Variants in JAZF1 observed in about 807,000 individuals in gnomAD.
JAZF1 encodes the protein juxtaposed with another zinc finger protein 1.
In JAZF1, 8 loss-of-function variants were observed where a neutral mutation model predicts 26.4. The observed-to-expected ratio is 0.30, with a 90% CI of 0.18 to 0.55. JAZF1 has a LOEUF of 0.55. Ranked by LOEUF, JAZF1 falls within the 20% of genes least tolerant of loss-of-function variation. JAZF1 has a pLI of 0.94. For synonymous variants in JAZF1, 126 were observed against 122.3 expected, an observed-to-expected ratio of 1.03 and a Z score of -0.20; for missense variants, 199 against 322.0, an observed-to-expected ratio of 0.62 and a Z score of 2.92.
chr7:28,002,849 C>T (rs1362106520), intron 1 of JAZF1, among the ~76,000 whole-genome samples: 1 of 151,934 alleles, frequency 6.6e-6, no homozygotes, highest in Non-Finnish European at 1.5e-5. Flanking sequence ...AAGTCTTGGC[C>T]AACAGGATAA....
At chr7:27,870,144 C>G (rs1783556543) in intron 3 of JAZF1, among the ~76,000 whole-genome samples, 1 of 138,194 alleles carries the variant, frequency 7.2e-6, no homozygotes, top group Non-Finnish European at 1.5e-5. Flanking sequence ...TCAGGCTGGT[C>G]TCGAACTCCT....
chr7:27,990,201 G>A (rs370644024), intron 2 of JAZF1, among the ~76,000 whole-genome samples: 9 of 152,090 alleles, frequency 5.9e-5, no homozygotes, highest in African/African-American at 9.7e-5. Context: ...ACCAAACACC[G>A]CATGTTCTCA....
At chr7:28,033,945 G>A (rs898449503) in intron 1 of JAZF1, among the ~76,000 whole-genome samples, 7 of 152,172 alleles carry the variant, frequency 4.6e-5, no homozygotes, top group Non-Finnish European at 8.8e-5. Context: ...GTTTCACCAC[G>A]TTGGCCAAGC....
intron 3 of JAZF1, among the ~76,000 whole-genome samples, chr7:27,893,860 G>A (rs918614837): frequency 2.0e-5 from 3 of 152,152 alleles, no homozygotes; most frequent in Non-Finnish European, 4.4e-5. Flanking sequence ...AGAAGGGCTG[G>A]GCACGCTCTG....
intron 2 of JAZF1, among the ~76,000 whole-genome samples, chr7:27,989,761 A>G (rs1785856474): frequency 1.3e-5 from 2 of 152,192 alleles, no homozygotes; most frequent in Admixed American, 1.3e-4. Context: ...TTAGAATGGC[A>G]ATCATCAAAA....
intron 1 of JAZF1, among the ~76,000 whole-genome samples, chr7:28,086,617 G>A (rs1583552708): frequency 6.6e-6 from 1 of 152,190 alleles, no homozygotes; most frequent in Non-Finnish European, 1.5e-5. Flanking sequence ...GCCCTGAGTA[G>A]TAAAATTGAT....
At chr7:28,094,698 A>G (rs1232214064) in intron 1 of JAZF1, among the ~76,000 whole-genome samples, 1 of 152,238 alleles carries the variant, frequency 6.6e-6, no homozygotes, top group Non-Finnish European at 1.5e-5. Context: ...TTCTCCTTCC[A>G]GGCAAGAACA....
chr7:27,830,728 A>T lies in JAZF1; in HGVS notation c.*2072T>A, dbSNP rs1782670125. 5.1e-6 allele frequency: 1 copy of T among 195,192 alleles called. No homozygotes were observed. Among genetic ancestry groups the T allele is most frequent in the Non-Finnish European group, 1.1e-5 (1 of 93,576 alleles). The allele number at this position is 195,192 out of a possible 1,614,324, so 12.1% of individuals were successfully genotyped here. ...ATGTGCTCTGTCCCCAACAAAACAT[A>T]TGAAAATATAATTTAAAGCACAGTT... On this transcript the variant is annotated 3_prime_UTR_variant, in exon 5 of 5. Coordinates refer to ENST00000283928, the MANE Select transcript of JAZF1 (RefSeq NM_175061.4).
intron 2 of JAZF1, among the ~76,000 whole-genome samples, chr7:27,941,500 CCT>C (rs915341104): frequency 6.6e-6 from 1 of 152,132 alleles, no homozygotes; most frequent in Non-Finnish European, 1.5e-5. Flanking sequence ...AAAATGCAAC[CCT>C]GAGTGCTAAT....
chr7:27,936,202 G>C (rs56059663), intron 2 of JAZF1, among the ~76,000 whole-genome samples: 16,037 of 152,254 alleles, frequency 0.11, 935 homozygotes, highest in African/African-American at 0.17. Flanking sequence ...GGAAAAGAGA[G>C]ATGACACAAA....
chr7:28,016,449 C>T (rs1461900349), intron 1 of JAZF1, among the ~76,000 whole-genome samples: 1 of 152,194 alleles, frequency 6.6e-6, no homozygotes, highest in Non-Finnish European at 1.5e-5. Flanking sequence ...TATTTTCACT[C>T]TGCTGTTTTA....
chr7:27,893,544 G>A (rs535877756), intron 3 of JAZF1, among the ~76,000 whole-genome samples: 1 of 152,262 alleles, frequency 6.6e-6, no homozygotes, highest in East Asian at 1.9e-4. Context: ...TTCCCTTTGT[G>A]ACATTGCTCC....
At chr7:28,128,466 G>A (rs542096556) in intron 1 of JAZF1, among the ~76,000 whole-genome samples, 47 of 152,242 alleles carry the variant, frequency 3.1e-4, no homozygotes, top group African/African-American at 1.1e-3. Flanking sequence ...AGGTTGCAGT[G>A]AGCTGAAGTT....
At chr7:28,046,696 T>A (rs1365765696) in intron 1 of JAZF1, among the ~76,000 whole-genome samples, 2 of 152,200 alleles carry the variant, frequency 1.3e-5, no homozygotes, top group Non-Finnish European at 1.5e-5. Flanking sequence ...ATCTGATACA[T>A]GAAAACTGAT....
At chr7:28,157,389 C>T (rs1245257158) in intron 1 of JAZF1, among the ~76,000 whole-genome samples, 2 of 152,206 alleles carry the variant, frequency 1.3e-5, no homozygotes, top group Non-Finnish European at 2.9e-5. Context: ...TTCAACTCTG[C>T]CATTGCAGCA....
intron 1 of JAZF1, among the ~76,000 whole-genome samples, chr7:28,101,274 C>T (rs1784467041): frequency 6.6e-6 from 1 of 152,152 alleles, no homozygotes; most frequent in Admixed American, 6.5e-5. Flanking sequence ...AATGTTTTAG[C>T]TCTTGCTGTA....
intron 1 of JAZF1, among the ~76,000 whole-genome samples, chr7:28,151,788 T>A: frequency 6.7e-6 from 1 of 149,852 alleles, no homozygotes; most frequent in Non-Finnish European, 1.5e-5. Context: ...TGAAATTCCA[T>A]CTCAAAAAAA....
At chr7:28,090,499 A>C (rs1784276677) in intron 1 of JAZF1, among the ~76,000 whole-genome samples, 1 of 152,246 alleles carries the variant, frequency 6.6e-6, no homozygotes, top group Non-Finnish European at 1.5e-5. Flanking sequence ...GCCAAAAGGA[A>C]ATTATTTTAG....
chr7:27,840,981 G>T lies in JAZF1; in HGVS notation c.386-114C>A. The T allele has an allele frequency of 9.5e-7, 1 of 1,057,208 alleles. No individual in the cohort carries two copies. The highest frequency in any genetic ancestry group is 1.4e-6 in the Non-Finnish European group (1 of 723,374). 65.5% of individuals were successfully genotyped at this position (1,057,208 alleles called of 1,614,324 possible). ...GTGGCAGAGCAGCGCTGACGGCCCA[G>T]GGAGAGGGCACTCCCGGCACCAGGG... is the stretch of plus-strand genomic sequence containing the variant. On this transcript the variant is annotated intron_variant, in intron 3 of 4. Coordinates refer to ENST00000283928, the MANE Select transcript of JAZF1 (RefSeq NM_175061.4). The surrounding 1 kb of genome is among the most constrained non-coding windows in gnomAD (Gnocchi z 5.1).
Sources: gnomAD v4.1 joint callset for allele counts (sites outside exome capture counted in the v4.1 genomes callset) on GRCh38, gnomAD v4.1.1 for gene constraint, Gnocchi (gnomAD v3.1) non-coding constraint, MANE v1.5 for transcripts, NCBI Gene and HGNC (gene_info 2026-07-23, HGNC 2026-07-21) for gene names.